TIAM1: variants seen among roughly 807,000 people sequenced by gnomAD.
TIAM1 encodes the protein rho guanine nucleotide exchange factor TIAM1.
Under a neutral mutation model 163.5 loss-of-function variants are expected in TIAM1, and 65 were observed. The ratio of observed to expected loss-of-function variants is 0.40; its 90% CI spans 0.33 to 0.49. The LOEUF is 0.49. TIAM1 is among the 20% of genes least tolerant of loss of function. The probability of loss-of-function intolerance (pLI) is 0.77; values close to 1 mark genes in which losing one functional copy is unlikely to be tolerated. For synonymous variants in TIAM1, 833 were observed against 810.1 expected (o/e 1.03, Z -0.48); for missense variants, 1,789 against 2,044.7 (o/e 0.87, Z 2.41).
intron 2 of TIAM1, among the ~76,000 whole-genome samples, chr21:31,408,113 A>T (rs2147232645): frequency 6.6e-6 from 1 of 152,358 alleles, no homozygotes; most frequent in East Asian, 1.9e-4. Context: ...GGGCAAAGAC[A>T]TCAGTTCTGT....
intron 2 of TIAM1, among the ~76,000 whole-genome samples, chr21:31,328,504 G>A (rs2075567928): frequency 6.6e-6 from 1 of 151,780 alleles, no homozygotes. Context: ...CTGAGTAGCT[G>A]GGAACACAGG....
chr21:31,304,164 T>C (rs919386974), intron 2 of TIAM1, among the ~76,000 whole-genome samples: 1 of 152,154 alleles, frequency 6.6e-6, no homozygotes, highest in Non-Finnish European at 1.5e-5. Context: ...CTTACTCCTC[T>C]AGCAAAGAAA....
intron 2 of TIAM1, among the ~76,000 whole-genome samples, chr21:31,418,845 C>A (rs944350456): frequency 1.3e-5 from 2 of 152,056 alleles, no homozygotes; most frequent in Non-Finnish European, 2.9e-5. Context: ...AGCAGGGTGG[C>A]GAGGCCTCTT....
At chr21:31,267,644 A>C (rs1297945384) in intron 3 of TIAM1, among the ~76,000 whole-genome samples, 1 of 151,976 alleles carries the variant, frequency 6.6e-6, no homozygotes, top group Non-Finnish European at 1.5e-5. Context: ...TAAAAAAAAA[A>C]AGCTTTGACC....
At chr21:31,192,421 C>A (rs1187371165) in intron 13 of TIAM1, among the ~76,000 whole-genome samples, 1 of 152,066 alleles carries the variant, frequency 6.6e-6, no homozygotes, top group Admixed American at 6.5e-5. Context: ...AGTTCAAGAC[C>A]ACCCTGGCCA....
At chr21:31,525,228 G>A (rs961779171) in intron 1 of TIAM1, among the ~76,000 whole-genome samples, 13 of 151,968 alleles carry the variant, frequency 8.6e-5, no homozygotes, top group Non-Finnish European at 1.5e-4. Flanking sequence ...AATTAGCCAG[G>A]CATGGTGGCG....
chr21:31,291,506 C>T (rs1474695982), intron 2 of TIAM1, among the ~76,000 whole-genome samples: 3 of 152,072 alleles, frequency 2.0e-5, no homozygotes, highest in African/African-American at 7.2e-5. Flanking sequence ...AAATTCCATG[C>T]CTTTATTTAT....
chr21:31,451,284 C>T (rs1415197015), intron 2 of TIAM1, among the ~76,000 whole-genome samples: 2 of 152,126 alleles, frequency 1.3e-5, no homozygotes, highest in African/African-American at 4.8e-5. Flanking sequence ...GAGTCGGCCA[C>T]GGGGACAGGA....
rs957064930 is a variant in TIAM1, at chr21:31,420,989, G to A, written c.-369+42994C>T. Among the ~76,000 whole-genome samples, 2 of 151,896 alleles carry A rather than the reference G, an allele frequency of 1.3e-5. 1 individual carries two copies. The highest frequency in any genetic ancestry group is 1.3e-4 in the Admixed American group (2 of 15,262). On this transcript the variant is annotated intron_variant, in intron 2 of 28. Coordinates refer to the TIAM1 transcript ENST00000286827. ...ATACAAAAATTAGCCGGGTATGGTG[G>A]CGGGTGCCTGTAATCCCAGCTACTT...
intron 1 of TIAM1, among the ~76,000 whole-genome samples, chr21:31,527,046 A>C (rs1425338081): frequency 2.6e-5 from 4 of 152,074 alleles, no homozygotes; most frequent in African/African-American, 9.7e-5. Flanking sequence ...GCTTCCAAAG[A>C]CTTCCAAAGA....
intron 6 of TIAM1, among the ~76,000 whole-genome samples, chr21:31,226,952 GTT>G (rs35401090): frequency 0.092 from 10,250 of 111,964 alleles, 288 homozygotes; most frequent in East Asian, 0.3. Context: ...AAAATTCTGT[GTT>G]TTTTTTTTTT....
intron 10 of TIAM1, among the ~76,000 whole-genome samples, chr21:31,210,578 GAAAGAAA>G (rs2086689428): frequency 2.5e-5 from 3 of 118,054 alleles, no homozygotes; most frequent in African/African-American, 1.3e-4. Flanking sequence ...AAGAAAGAAA[GAAAGAAA>G]GAAAGAAAGA....
chr21:31,192,245 C>T (rs2085597303), intron 13 of TIAM1, among the ~76,000 whole-genome samples: 1 of 152,108 alleles, frequency 6.6e-6, no homozygotes, highest in South Asian at 2.1e-4. Context: ...AGACTGGTGG[C>T]CTACAGGGGA....
chr21:31,130,670 C>A (rs573945107), intron 24 of TIAM1, among the ~76,000 whole-genome samples: 55 of 152,216 alleles, frequency 3.6e-4, no homozygotes, highest in Non-Finnish European at 6.3e-4. Context: ...CCAGTTGGTT[C>A]CAATTCACAA....
At chr21:31,553,602 G>A (rs563762448) in intron 1 of TIAM1, among the ~76,000 whole-genome samples, 3 of 152,144 alleles carry the variant, frequency 2.0e-5, no homozygotes, top group Non-Finnish European at 4.4e-5. Context: ...CAGCCCAGGT[G>A]ATGGCCAAAA....
chr21:31,197,769 G>A (rs2300338), intron 12 of TIAM1, among the ~76,000 whole-genome samples: 12,256 of 152,154 alleles, frequency 0.081, 669 homozygotes, highest in Admixed American at 0.19. Context: ...TGAGACAAGC[G>A]TGATGTCCAT....
intron 4 of TIAM1, among the ~76,000 whole-genome samples, chr21:31,252,914 T>G (rs569821566): frequency 6.6e-6 from 1 of 152,250 alleles, no homozygotes; most frequent in South Asian, 2.1e-4. Flanking sequence ...AAAGCTGGGA[T>G]GCTAGGAGCC....
At chr21:31,173,305 GAA>G (rs941464862) in intron 15 of TIAM1, among the ~76,000 whole-genome samples, 1 of 151,234 alleles carries the variant, frequency 6.6e-6, no homozygotes, top group Non-Finnish European at 1.5e-5. Flanking sequence ...ATCCCTGATG[GAA>G]AAAAAACGTT....
At chr21:31,188,529 CT>C (rs1787494309) in intron 13 of TIAM1, among the ~76,000 whole-genome samples, 1 of 152,024 alleles carries the variant, frequency 6.6e-6, no homozygotes, top group Non-Finnish European at 1.5e-5. Context: ...TTGGAATTTC[CT>C]TTTTGAAATG....
Sources: gnomAD v4.1 joint callset for allele counts (sites outside exome capture counted in the v4.1 genomes callset) on GRCh38, gnomAD v4.1.1 for gene constraint, MANE v1.5 for transcripts, NCBI Gene and HGNC (gene_info 2026-07-23, HGNC 2026-07-21) for gene names.